OTC: variants seen among roughly 807,000 people sequenced by gnomAD.
OTC encodes the protein ornithine transcarbamylase, mitochondrial.
OTC carries 3 observed loss-of-function variants against 30.3 expected under a neutral mutation model. That is an observed-to-expected ratio of 0.10 (90% confidence interval 0.05 to 0.26). OTC has a LOEUF of 0.26. Ranked by LOEUF, OTC falls within the 10% of genes least tolerant of loss-of-function variation. OTC has a pLI of 1.00. For missense variants in OTC, 194 were observed against 260.3 expected (o/e 0.75, Z 1.75); for synonymous variants, 111 against 99.7 (o/e 1.11, Z -0.67).
At chrX:38,342,179 T>C in the OTC span, among the ~76,000 whole-genome samples, 3 of 108,466 alleles carry the variant, frequency 2.8e-5, no homozygotes, top group Admixed American at 3.0e-4. Context: ...TCCGCCACCA[T>C]GCCTGGCTAA....
At chrX:38,356,134 T>C (rs2068240240) in intron 1 of OTC, among the ~76,000 whole-genome samples, 1 of 110,350 alleles carries the variant, frequency 9.1e-6, no homozygotes. Context: ...GGGGTCATGA[T>C]GTTTTCCTTG....
intron 3 of OTC, chrX:38,373,620 C>T (rs1033547962): frequency 1.8e-5 from 2 of 112,138 alleles, no homozygotes; most frequent in African/African-American, 6.5e-5. Context: ...GGTGTTTTAA[C>T]GGCTGTTTCA....
At chrX:38,346,084 G>A in the OTC span, among the ~76,000 whole-genome samples, 1 of 110,983 alleles carries the variant, frequency 9.0e-6, no homozygotes, top group Non-Finnish European at 1.9e-5. Context: ...GGTTTCAATT[G>A]CATTCTAGCA....
chrX:38,411,986 A>T lies in OTC; in HGVS notation c.992A>T (p.Lys331Met). 1 of 1,211,088 alleles carries T rather than the reference A, an allele frequency of 8.3e-7. No individual in the cohort carries two copies. Among genetic ancestry groups the T allele is most frequent in the East Asian group, 3.0e-5 (1 of 33,828 alleles). ...GTGTTCCCAGAGGCAGAAAACAGAA[A>T]GTGGACAATCATGGTAAGCAAGAAA... ...SLVFPEAENRKWTIMAVMVSL... is the reference protein window; with the variant it reads ...SLVFPEAENRMWTIMAVMVSL... Residue 331 changes from lysine to methionine, a missense_variant, in exon 9 of 10, where the codon AAG becomes ATG. Physicochemically the swap from Lys to Met is moderately conservative, Grantham distance 95. Coordinates refer to ENST00000039007, the MANE Select transcript of OTC (RefSeq NM_000531.6).
intron 1 of OTC, among the ~76,000 whole-genome samples, chrX:38,360,771 T>A (rs2068267567): frequency 8.9e-6 from 1 of 112,376 alleles, no homozygotes; most frequent in East Asian, 2.8e-4. Context: ...GCATATTAAT[T>A]ATGAGTAATT....
chrX:38,331,949 G>A, the OTC span, among the ~76,000 whole-genome samples: 6 of 110,940 alleles, frequency 5.4e-5, no homozygotes, highest in African/African-American at 2.0e-4. Context: ...CCACGAATTT[G>A]TACTGGTTCA....
At chrX:38,406,541 G>A (rs113945677) in intron 6 of OTC, among the ~76,000 whole-genome samples, 2 of 111,658 alleles carry the variant, frequency 1.8e-5, no homozygotes, top group African/African-American at 6.5e-5. Flanking sequence ...ATGCCTCAGT[G>A]CATGCAAGGT....
chrX:38,403,695 G>A lies in OTC; in HGVS notation c.618G>A (p.Met206Ile), dbSNP rs72558413. ...DGNNILHSIM[M>I]SAAKFGMHLQ... is the part of the protein sequence containing the mutation. The stretch of plus-strand genomic sequence containing the variant: ...ACAATATCCTGCACTCCATCATGAT[G>A]AGCGCAGCGAAATTCGGAATGCACC... Residue 206 changes from methionine (M) to isoleucine (I), a missense_variant, in exon 6 of 10, where the codon ATG (methionine) becomes ATA (isoleucine). By Grantham distance (10) the Met-to-Ile change is conservative. Coordinates refer to ENST00000039007, the MANE Select transcript of OTC (RefSeq NM_000531.6). 4.1e-6 allele frequency: 5 copies of A among 1,210,572 alleles called. No homozygotes were observed. The highest frequency in any genetic ancestry group is 3.5e-5 in the African/African-American group (2 of 57,784).
chrX:38,339,350 T>C, the OTC span, among the ~76,000 whole-genome samples: 16 of 110,328 alleles, frequency 1.5e-4, no homozygotes, highest in South Asian at 6.2e-3. Context: ...ACATGAGGAG[T>C]TTAATAAATG....
chrX:38,337,774 T>C, the OTC span, among the ~76,000 whole-genome samples: 2 of 111,726 alleles, frequency 1.8e-5, no homozygotes, highest in Non-Finnish European at 3.8e-5. Flanking sequence ...AAACTAGAAA[T>C]CTGGAAGCTC....
chrX:38,378,758 A>G (rs1482771801), intron 3 of OTC, among the ~76,000 whole-genome samples: 1 of 112,472 alleles, frequency 8.9e-6, no homozygotes, highest in Non-Finnish European at 1.9e-5. Flanking sequence ...GGTTGCTGAC[A>G]GTGAGAATAT....
At chrX:38,389,401 A>T (rs890732408) in intron 4 of OTC, among the ~76,000 whole-genome samples, 6 of 33,008 alleles carry the variant, frequency 1.8e-4, no homozygotes, top group Non-Finnish European at 3.6e-4. Flanking sequence ...AGGAATATTT[A>T]TAAAAAAAAA....
rs1025777213 is a variant in OTC, at chrX:38,402,334, G to A, written c.540+906G>A. 2.7e-4 allele frequency among the ~76,000 whole-genome samples: 30 copies of A among 111,847 alleles called. 1 individual carries two copies. Among genetic ancestry groups the A allele is most frequent in the African/African-American group, 9.7e-4 (30 of 30,839 alleles). On this transcript the variant is annotated intron_variant, in intron 5 of 9. Coordinates refer to ENST00000039007, the MANE Select transcript of OTC (RefSeq NM_000531.6). ...TTATAAATTCATTGAGGGAAAATGAGCTGTCCTATTCATCATAATGTCCCC... is the reference window on the plus strand; with the variant it reads ...TTATAAATTCATTGAGGGAAAATGAACTGTCCTATTCATCATAATGTCCCC...
intron 4 of OTC, 75 bp downstream of exon 4, chrX:38,381,504 C>T: frequency 1.4e-6 from 1 of 691,860 alleles, no homozygotes; most frequent in Non-Finnish European, 2.3e-6. Context: ...AAACATAATT[C>T]TCTTTAAATA....
chrX:38,340,950 C>T, the OTC span, among the ~76,000 whole-genome samples: 1 of 110,500 alleles, frequency 9.0e-6, no homozygotes, highest in African/African-American at 3.3e-5. Context: ...GCGCCTGCTA[C>T]CATGCCCCAC....
At chrX:38,401,679 C>A (rs901643551) in intron 5 of OTC, among the ~76,000 whole-genome samples, 1 of 111,534 alleles carries the variant, frequency 9.0e-6, no homozygotes, top group Non-Finnish European at 1.9e-5. Context: ...TTCTGTCAAT[C>A]CCTTTGATTT....
At chrX:38,390,502 A>C in intron 4 of OTC, among the ~76,000 whole-genome samples, 1 of 112,387 alleles carries the variant, frequency 8.9e-6, no homozygotes, top group Non-Finnish European at 1.9e-5. Context: ...TGCACAACCA[A>C]AACATCCTTC....
chrX:38,362,296 T>C (rs1024038078), intron 1 of OTC, among the ~76,000 whole-genome samples: 4 of 111,621 alleles, frequency 3.6e-5, no homozygotes, highest in Non-Finnish European at 5.6e-5. Context: ...GTGATCTTAC[T>C]GCAAAACCAA....
the OTC span, among the ~76,000 whole-genome samples, chrX:38,338,667 A>G: frequency 1.8e-5 from 2 of 112,422 alleles, no homozygotes; most frequent in Non-Finnish European, 3.7e-5. Flanking sequence ...ATATTCTTTG[A>G]AAAATTAGGT....
Sources: allele counts gnomAD v4.1 joint callset (sites outside exome capture counted in the v4.1 genomes callset), GRCh38; gene constraint gnomAD v4.1.1; transcripts MANE v1.5; gene names NCBI Gene and HGNC (gene_info 2026-07-23, HGNC 2026-07-21).